The following PTGFR variants were observed in gnomAD, a reference collection of about 807,000 sequenced individuals.
The protein encoded by PTGFR is prostaglandin F receptor.
A neutral mutation model predicts 26.2 loss-of-function variants in PTGFR; 15 were observed. The ratio of observed to expected loss-of-function variants is 0.57; its 90% CI spans 0.38 to 0.88. The LOEUF is 0.88. Among genes scored for constraint, PTGFR ranks in the 40% least tolerant of loss-of-function variants. The pLI, the probability that PTGFR is intolerant of heterozygous loss-of-function variation, is 0.00. For missense variants in PTGFR, 369 were observed against 427.2 expected, an observed-to-expected ratio of 0.86 and a Z score of 1.20; for synonymous variants, 165 against 151.1, an observed-to-expected ratio of 1.09 and a Z score of -0.68.
At chr1:78,520,581 T>G (rs964265122) in intron 2 of PTGFR, among the ~76,000 whole-genome samples, 1 of 152,056 alleles carries the variant, frequency 6.6e-6, no homozygotes, top group Non-Finnish European at 1.5e-5. Context: ...TTGGTGGTCA[T>G]TTTCAGATCT....
At chr1:78,502,959 T>G (rs1649746007) in intron 2 of PTGFR, among the ~76,000 whole-genome samples, 1 of 152,192 alleles carries the variant, frequency 6.6e-6, no homozygotes, top group Non-Finnish European at 1.5e-5. Context: ...ATGAGATTAT[T>G]CGTGACAGCT....
At chr1:78,500,117 C>T (rs1649666712) in intron 2 of PTGFR, among the ~76,000 whole-genome samples, 1 of 151,904 alleles carries the variant, frequency 6.6e-6, no homozygotes, top group Non-Finnish European at 1.5e-5. Flanking sequence ...AAGAGGAGAA[C>T]TTACTTTGAG....
At chr1:78,525,130 G>A (rs927263929) in intron 2 of PTGFR, among the ~76,000 whole-genome samples, 1 of 151,618 alleles carries the variant, frequency 6.6e-6, no homozygotes, top group African/African-American at 2.4e-5. Context: ...CTTAACCTCT[G>A]TCATACTGCC....
chr1:78,519,405 T>G (rs1650171329), intron 2 of PTGFR, among the ~76,000 whole-genome samples: 1 of 152,164 alleles, frequency 6.6e-6, no homozygotes, highest in African/African-American at 2.4e-5. Context: ...TATTTTTGAC[T>G]CTATCACTGA....
intron 2 of PTGFR, among the ~76,000 whole-genome samples, chr1:78,507,903 G>A (rs769327252): frequency 3.9e-5 from 6 of 152,070 alleles, no homozygotes; most frequent in African/African-American, 9.7e-5. Context: ...TTGTTATATC[G>A]AAATTATTTT....
intron 2 of PTGFR, among the ~76,000 whole-genome samples, chr1:78,498,955 G>A (rs1052962737): frequency 1.6e-4 from 25 of 152,146 alleles, no homozygotes; most frequent in Non-Finnish European, 4.4e-5. Context: ...TTGTAACTTA[G>A]ACCTCAACAA....
intron 2 of PTGFR, among the ~76,000 whole-genome samples, chr1:78,526,995 T>C (rs562186019): frequency 2.0e-5 from 3 of 152,270 alleles, no homozygotes; most frequent in South Asian, 4.1e-4. Context: ...TTCTCTCTAG[T>C]GGACCACTTT....
At chr1:78,503,041 G>A (rs1226015416) in intron 2 of PTGFR, among the ~76,000 whole-genome samples, 1 of 152,064 alleles carries the variant, frequency 6.6e-6, no homozygotes, top group African/African-American at 2.4e-5. Flanking sequence ...GTAATCGAAA[G>A]TCAATTAATG....
At chr1:78,532,670 C>T (rs912569826) in intron 2 of PTGFR, among the ~76,000 whole-genome samples, 11 of 151,290 alleles carry the variant, frequency 7.3e-5, no homozygotes, top group Admixed American at 3.3e-4. Context: ...CGGGTTCAAG[C>T]GATTCTCGTG....
intron 2 of PTGFR, among the ~76,000 whole-genome samples, chr1:78,497,069 C>T (rs1043422130): frequency 4.6e-5 from 7 of 152,088 alleles, no homozygotes; most frequent in African/African-American, 1.4e-4. Flanking sequence ...TCCACCATTA[C>T]AGGATCATGC....
At chr1:78,497,471 G>T (rs1016636917) in intron 2 of PTGFR, among the ~76,000 whole-genome samples, 1 of 152,110 alleles carries the variant, frequency 6.6e-6, no homozygotes, top group Non-Finnish European at 1.5e-5. Context: ...TCTCTATTGT[G>T]AAGGAGAAAA....
chr1:78,528,872 A>G (rs1650439538), intron 2 of PTGFR, among the ~76,000 whole-genome samples: 1 of 152,120 alleles, frequency 6.6e-6, no homozygotes, highest in African/African-American at 2.4e-5. Context: ...CAGAAGACCA[A>G]CACATACATT....
At chr1:78,496,967 ATATTAT>A (rs1483259000) in intron 2 of PTGFR, among the ~76,000 whole-genome samples, 3 of 140,930 alleles carry the variant, frequency 2.1e-5, no homozygotes, top group South Asian at 2.2e-4. Context: ...TGACATTGCT[ATATTAT>A]TATTAACTAA....
chr1:78,496,998 A>G (rs933609707), intron 2 of PTGFR, among the ~76,000 whole-genome samples: 4 of 150,994 alleles, frequency 2.6e-5, no homozygotes, highest in African/African-American at 9.8e-5. Context: ...TGTAGTTTAC[A>G]TTAGGGCTAT....
intron 2 of PTGFR, chr1:78,532,404 ATG>A (rs1258920378): frequency 7.4e-6 from 1 of 134,922 alleles, no homozygotes; most frequent in Non-Finnish European, 1.5e-5. Context: ...ATATGTATAT[ATG>A]TGTATATATA....
chr1:78,528,077 A>G (rs893956584), intron 2 of PTGFR, among the ~76,000 whole-genome samples: 7 of 152,026 alleles, frequency 4.6e-5, no homozygotes, highest in Admixed American at 4.6e-4. Flanking sequence ...TTTGTGGCTA[A>G]TATTTTAGAC....
chr1:78,514,602 C>T (rs1043820242), intron 2 of PTGFR, among the ~76,000 whole-genome samples: 25 of 151,598 alleles, frequency 1.6e-4, no homozygotes, highest in African/African-American at 5.1e-4. Flanking sequence ...AGGACTATTG[C>T]GAAGGCTTGA....
In PTGFR at chr1:78,538,682, TG is replaced by T. The variant is rs1650718969; in HGVS notation, c.*1996del. The T allele has an allele frequency of 6.6e-6, 1 of 152,130 alleles. No individual in the cohort carries two copies. The highest frequency in any genetic ancestry group is 6.6e-5 in the Admixed American group (1 of 15,248). 9.4% of individuals were successfully genotyped at this position (152,130 alleles called of 1,614,324 possible). A position where few individuals can be genotyped will look rare whatever the true frequency, so the allele number is the denominator to read the frequency against. On this transcript the variant is annotated 3_prime_UTR_variant, in exon 3 of 3. Transcript: ENST00000370757. Reference sequence around the variant, plus strand: ...TGTTGCATGTAGCTTGGCGATTTACTGTGTAATGAATAATAGACTGGAACAT... The same window carrying T: ...TGTTGCATGTAGCTTGGCGATTTACTTGTAATGAATAATAGACTGGAACAT...
intron 2 of PTGFR, among the ~76,000 whole-genome samples, chr1:78,502,709 T>C (rs935805315): frequency 1.3e-5 from 2 of 152,318 alleles, no homozygotes; most frequent in East Asian, 1.9e-4. Flanking sequence ...AATTTGGTGA[T>C]CCATAAGTGG....
Sources: gnomAD v4.1 joint callset for allele counts (sites outside exome capture counted in the v4.1 genomes callset) on GRCh38, gnomAD v4.1.1 for gene constraint, MANE v1.5 for transcripts, NCBI Gene and HGNC (gene_info 2026-07-23, HGNC 2026-07-21) for gene names.